The following USH2A variants were observed in gnomAD, a reference collection of about 807,000 sequenced individuals.
The protein encoded by USH2A is usherin, also known as Usher syndrome 2A (autosomal recessive, mild).
In USH2A, 443 loss-of-function variants were observed where a neutral mutation model predicts 538.9. The observed-to-expected ratio is 0.82, with a 90% CI of 0.76 to 0.89. The LOEUF is 0.89. USH2A is among the 40% of genes least tolerant of loss of function. The pLI is 0.00. For missense variants in USH2A, 6,633 were observed against 6,324.8 expected, an observed-to-expected ratio of 1.05 and a Z score of -1.65; for synonymous variants, 2,413 against 2,273.5, an observed-to-expected ratio of 1.06 and a Z score of -1.75.
At chr1:216,385,113 A>G (rs1462862599) in intron 3 of USH2A, among the ~76,000 whole-genome samples, 1 of 152,200 alleles carries the variant, frequency 6.6e-6, no homozygotes, top group Non-Finnish European at 1.5e-5. Flanking sequence ...GCAAAAATTG[A>G]AGAAAGGTAC....
At chr1:215,924,126 A>G (rs1432159455) in intron 38 of USH2A, among the ~76,000 whole-genome samples, 1 of 152,100 alleles carries the variant, frequency 6.6e-6, no homozygotes, top group African/African-American at 2.4e-5. Context: ...AATGGTCATC[A>G]AAGTGTAAGA....
chr1:216,004,932 A>T (rs540211536), intron 32 of USH2A, among the ~76,000 whole-genome samples: 13 of 152,184 alleles, frequency 8.5e-5, no homozygotes, highest in African/African-American at 3.1e-4. Context: ...AGATGGTAGC[A>T]GAGTCTATGG....
intron 3 of USH2A, among the ~76,000 whole-genome samples, chr1:216,391,037 T>C (rs1476937170): frequency 6.6e-6 from 1 of 152,204 alleles, no homozygotes. Context: ...AAAAACAGGA[T>C]ATGAAATAAA....
At chr1:216,236,227 C>T (rs1321174376) in intron 13 of USH2A, among the ~76,000 whole-genome samples, 2 of 151,792 alleles carry the variant, frequency 1.3e-5, no homozygotes, top group African/African-American at 4.8e-5. Flanking sequence ...TGGGCTGCTA[C>T]TCCCTTCTTG....
In USH2A at chr1:215,884,304, A is replaced by G. The variant is rs113828617; in HGVS notation, c.8223+4122T>C. Among the ~76,000 whole-genome samples, 327 of 152,374 alleles carry G rather than the reference A, an allele frequency of 2.1e-3. 3 individuals carry two copies. The highest frequency in any genetic ancestry group is 6.3e-3 in the African/African-American group (260 of 41,600). On this transcript the variant is annotated intron_variant, in intron 41 of 71. Coordinates refer to ENST00000307340, the MANE Select transcript of USH2A (RefSeq NM_206933.4). The stretch of plus-strand genomic sequence containing the variant: ...AAAAAACATCGGCATTCTGATTTGA[A>G]TGATGTTCAGTTTATATGTTGACTT...
intron 37 of USH2A, among the ~76,000 whole-genome samples, chr1:215,952,812 A>AT (rs1297148858): frequency 2.0e-5 from 3 of 151,914 alleles, no homozygotes; most frequent in African/African-American, 4.8e-5. Flanking sequence ...TGCCCTTAAC[A>AT]TTTTTTCCTT....
chr1:216,211,814 G>A (rs1470088454), intron 15 of USH2A, among the ~76,000 whole-genome samples: 2 of 151,598 alleles, frequency 1.3e-5, no homozygotes, highest in Admixed American at 6.6e-5. Context: ...ACTTTGATCG[G>A]TTGAACACTG....
At chr1:215,743,919 T>C (rs2102728639) in intron 58 of USH2A, among the ~76,000 whole-genome samples, 1 of 152,276 alleles carries the variant, frequency 6.6e-6, no homozygotes, top group Non-Finnish European at 1.5e-5. Flanking sequence ...AGATTGTGTA[T>C]TCCAAAAGTA....
chr1:216,066,240 G>C (rs889165893), intron 30 of USH2A, among the ~76,000 whole-genome samples: 9 of 152,016 alleles, frequency 5.9e-5, no homozygotes, highest in African/African-American at 2.2e-4. Flanking sequence ...GGAGGCCAAG[G>C]TGGGTGAATC....
intron 70 of USH2A, among the ~76,000 whole-genome samples, chr1:215,629,862 G>A (rs1195073670): frequency 1.1e-4 from 15 of 141,600 alleles, no homozygotes; most frequent in Non-Finnish European, 3.0e-5. Flanking sequence ...TGCAAGCTCC[G>A]CCTCCCGGGT....
At chr1:216,379,360 A>G (rs925530440) in intron 3 of USH2A, among the ~76,000 whole-genome samples, 8 of 152,074 alleles carry the variant, frequency 5.3e-5, no homozygotes, top group African/African-American at 1.4e-4. Context: ...AGTTTTCATC[A>G]TGATTGTGTT....
intron 21 of USH2A, among the ~76,000 whole-genome samples, chr1:216,151,277 A>G (rs1323131415): frequency 6.6e-6 from 1 of 151,860 alleles, no homozygotes; most frequent in East Asian, 1.9e-4. Context: ...TTTACTTTAC[A>G]TCTCCAGTTT....
intron 37 of USH2A, among the ~76,000 whole-genome samples, chr1:215,952,526 C>T (rs1208491009): frequency 6.6e-6 from 1 of 152,094 alleles, no homozygotes; most frequent in East Asian, 1.9e-4. Context: ...ACTGGTTGTT[C>T]CTTTCCATGT....
intron 11 of USH2A, among the ~76,000 whole-genome samples, chr1:216,268,440 A>G (rs1196588906): frequency 1.3e-5 from 2 of 152,154 alleles, no homozygotes; most frequent in Non-Finnish European, 2.9e-5. Context: ...CATCTCTGGA[A>G]CATAGTAAGT....
chr1:216,363,920 C>G lies in USH2A; in HGVS notation c.784+1033G>C, dbSNP rs965408677. Among the ~76,000 whole-genome samples, 10 of 151,428 alleles carry G rather than the reference C, an allele frequency of 6.6e-5. No individual in the cohort carries two copies. In the South Asian group the frequency reaches 1.2e-3, roughly 19 times the overall value. ...AACTATATCTCTAGCTAAAAATGTA[C>G]TAAAAATCTGTAGGAGTATAAAAAA... On this transcript the variant is annotated intron_variant, in intron 4 of 71. Transcript: ENST00000307340.
intron 32 of USH2A, among the ~76,000 whole-genome samples, chr1:216,009,427 C>G (rs529952469): frequency 6.6e-6 from 1 of 152,266 alleles, no homozygotes; most frequent in Non-Finnish European, 1.5e-5. Flanking sequence ...GAAAACAGCA[C>G]TTTCAATTTT....
chr1:216,283,888 G>A (rs922418768), intron 11 of USH2A, among the ~76,000 whole-genome samples: 2 of 152,044 alleles, frequency 1.3e-5, no homozygotes, highest in African/African-American at 4.8e-5. Flanking sequence ...GAATGGTAAT[G>A]TTTTGACCAT....
At chr1:215,631,302 A>G (rs1266104412) in intron 70 of USH2A, among the ~76,000 whole-genome samples, 1 of 151,890 alleles carries the variant, frequency 6.6e-6, no homozygotes, top group Non-Finnish European at 1.5e-5. Context: ...AAAGACAGTC[A>G]ATCTGGAAAA....
At chr1:216,258,320 C>G (rs538359552) in intron 11 of USH2A, among the ~76,000 whole-genome samples, 1 of 152,022 alleles carries the variant, frequency 6.6e-6, no homozygotes, top group Non-Finnish European at 1.5e-5. Context: ...AAATATCCCA[C>G]GAATCATAAA....
Sources: gnomAD v4.1 joint callset for allele counts (sites outside exome capture counted in the v4.1 genomes callset) on GRCh38, gnomAD v4.1.1 for gene constraint, MANE v1.5 for transcripts, NCBI Gene and HGNC (gene_info 2026-07-23, HGNC 2026-07-21) for gene names.